PPM1L: variants seen among roughly 807,000 people sequenced by gnomAD.
The protein encoded by PPM1L is protein phosphatase, Mg2+/Mn2+ dependent 1L.
In PPM1L, 13 loss-of-function variants were observed where a neutral mutation model predicts 31.4. The ratio of observed to expected loss-of-function variants is 0.41; its 90% confidence interval spans 0.27 to 0.66. The LOEUF (loss-of-function observed/expected upper bound fraction) is 0.66, where lower values mean the gene tolerates loss of function less well. Ranked by LOEUF, PPM1L falls within the 30% of genes least tolerant of loss-of-function variation. The pLI, the probability that PPM1L is intolerant of heterozygous loss-of-function variation, is 0.29. For synonymous variants in PPM1L, 184 were observed against 175.4 expected (o/e 1.05, Z -0.39); for missense variants, 326 against 453.7 (o/e 0.72, Z 2.56).
chr3:160,912,399 T>A (rs1714007280), intron 1 of PPM1L, among the ~76,000 whole-genome samples: 1 of 152,214 alleles, frequency 6.6e-6, no homozygotes, highest in Non-Finnish European at 1.5e-5. Context: ...TGCCTGTTAA[T>A]CACAGAGGAA....
In PPM1L at chr3:161,054,723, GAAT is replaced by G. The variant is rs555184841; in HGVS notation, c.575-10672_575-10670del. Among the ~76,000 whole-genome samples the G allele has an allele frequency of 3.8e-4, 58 of 152,168 alleles. 1 individual carries two copies. In the South Asian group the frequency reaches 0.01, roughly 27 times the overall value. On this transcript the variant is annotated intron_variant, in intron 2 of 3. Transcript: ENST00000498165. ...CTCAGTTTTATCATCTGTAAGATGG[GAAT>G]AATAATAGTACATCATAGGCTATTA...
At chr3:160,825,872 A>T (rs1713344335) in intron 1 of PPM1L, among the ~76,000 whole-genome samples, 1 of 152,176 alleles carries the variant, frequency 6.6e-6, no homozygotes, top group Non-Finnish European at 1.5e-5. Flanking sequence ...ATAGGGCAGA[A>T]TGCAGCCAGC....
intron 2 of PPM1L, among the ~76,000 whole-genome samples, chr3:160,999,023 A>AT (rs1359548164): frequency 6.6e-6 from 1 of 152,198 alleles, no homozygotes; most frequent in Non-Finnish European, 1.5e-5. Context: ...TACTCAGAGG[A>AT]TAACATGGTT....
chr3:160,815,006 G>A (rs1712952212), intron 1 of PPM1L, among the ~76,000 whole-genome samples: 1 of 152,052 alleles, frequency 6.6e-6, no homozygotes, highest in African/African-American at 2.4e-5. Context: ...TCAGGGGGTA[G>A]GGTAGAAGGA....
In PPM1L at chr3:160,808,405, G is replaced by GCGCGCGCGCA. The variant is rs1560112693; in HGVS notation, c.399+51698_399+51699insCGCGCGCGCA. ...TTCCTGTGTGTGTGTGTGTGTGTGTGTGTGTGTGTGTGTGTGTGGTGGGTG... is the reference window on the plus strand; with the variant it reads ...TTCCTGTGTGTGTGTGTGTGTGTGTGCGCGCGCGCATGTGTGTGTGTGTGTGTGGTGGGTG... On this transcript the variant is annotated intron_variant, in intron 1 of 3. Transcript: ENST00000498165. 6.7e-3 allele frequency among the ~76,000 whole-genome samples: 999 copies of GCGCGCGCGCA among 148,654 alleles called. 78 individuals are homozygous for GCGCGCGCGCA. Among genetic ancestry groups the GCGCGCGCGCA allele is most frequent in the African/African-American group, 0.024 (934 of 39,108 alleles).
chr3:161,046,902 A>C (rs1283857982), intron 2 of PPM1L, among the ~76,000 whole-genome samples: 2 of 152,210 alleles, frequency 1.3e-5, no homozygotes, highest in African/African-American at 4.8e-5. Context: ...CTTCATGCTA[A>C]AAACTCTCAA....
chr3:160,786,127 T>TCTC (rs1711911208), intron 1 of PPM1L, among the ~76,000 whole-genome samples: 1 of 103,990 alleles, frequency 9.6e-6, no homozygotes, highest in East Asian at 2.8e-4. Flanking sequence ...AATCTCATTT[T>TCTC]TCTCTCTCTC....
intron 1 of PPM1L, among the ~76,000 whole-genome samples, chr3:160,886,624 T>G (rs1319873004): frequency 1.3e-5 from 2 of 152,096 alleles, no homozygotes; most frequent in East Asian, 3.9e-4. Flanking sequence ...AAGAGGGACC[T>G]GACCATTGAA....
intron 2 of PPM1L, among the ~76,000 whole-genome samples, chr3:161,062,125 T>C (rs1364410439): frequency 1.3e-5 from 2 of 150,278 alleles, no homozygotes; most frequent in East Asian, 3.9e-4. Flanking sequence ...GTCTGTTCTG[T>C]GTCTCTTTTA....
chr3:160,953,955 G>T (rs2108100536), intron 1 of PPM1L, among the ~76,000 whole-genome samples: 1 of 152,240 alleles, frequency 6.6e-6, no homozygotes, highest in African/African-American at 2.4e-5. Flanking sequence ...GTTCTATTCT[G>T]GGTTTTATGC....
At chr3:160,918,982 A>G (rs188942850) in intron 1 of PPM1L, among the ~76,000 whole-genome samples, 2 of 152,372 alleles carry the variant, frequency 1.3e-5, no homozygotes, top group East Asian at 3.9e-4. Flanking sequence ...TTTAAAGTGC[A>G]GTACCAGGAA....
chr3:160,956,139 A>C (rs1206389502), intron 1 of PPM1L, among the ~76,000 whole-genome samples: 1 of 152,152 alleles, frequency 6.6e-6, no homozygotes, highest in Non-Finnish European at 1.5e-5. Context: ...TAGGTTCTTA[A>C]TCATTCTGCT....
At chr3:161,004,714 A>G (rs1199840402) in intron 2 of PPM1L, among the ~76,000 whole-genome samples, 4 of 147,724 alleles carry the variant, frequency 2.7e-5, no homozygotes, top group Non-Finnish European at 6.0e-5. Flanking sequence ...TATTGCGTCT[A>G]TTTGATTCTT....
At chr3:160,847,720 A>G (rs7625500) in intron 1 of PPM1L, among the ~76,000 whole-genome samples, 3 of 152,144 alleles carry the variant, frequency 2.0e-5, no homozygotes, top group African/African-American at 7.2e-5. Context: ...CAACCCAACA[A>G]ATGCCCAAGC....
At chr3:160,922,227 G>A (rs1193210863) in intron 1 of PPM1L, among the ~76,000 whole-genome samples, 3 of 152,016 alleles carry the variant, frequency 2.0e-5, no homozygotes, top group Non-Finnish European at 2.9e-5. Flanking sequence ...GGAGAATGGC[G>A]TGAACCTGGG....
chr3:160,944,802 C>CATATATGTTATATGTT (rs1553748137), intron 1 of PPM1L, among the ~76,000 whole-genome samples: 1 of 14,336 alleles, frequency 7.0e-5, no homozygotes, highest in African/African-American at 1.5e-4. Context: ...TTATATATAA[C>CATATATGTTATATGTT]ATATATAACA....
chr3:160,764,460 CCTCTCT>C (rs58217473), intron 1 of PPM1L, among the ~76,000 whole-genome samples: 3 of 147,810 alleles, frequency 2.0e-5, no homozygotes, highest in Non-Finnish European at 3.0e-5. Flanking sequence ...TTTAATTCTC[CCTCTCT>C]CTCTCTCTCT....
intron 1 of PPM1L, among the ~76,000 whole-genome samples, chr3:160,960,643 T>C (rs1401006254): frequency 6.6e-6 from 1 of 151,834 alleles, no homozygotes; most frequent in Non-Finnish European, 1.5e-5. Flanking sequence ...GAACAATATA[T>C]GGTGGACTTC....
At chr3:161,032,937 C>T (rs1718622873) in intron 2 of PPM1L, among the ~76,000 whole-genome samples, 1 of 145,428 alleles carries the variant, frequency 6.9e-6, no homozygotes, top group Non-Finnish European at 1.5e-5. Context: ...TCTTGAAATC[C>T]TGACCTGAGG....
Sources: allele counts gnomAD v4.1 joint callset (sites outside exome capture counted in the v4.1 genomes callset), GRCh38; gene constraint gnomAD v4.1.1; transcripts MANE v1.5; gene names NCBI Gene and HGNC (gene_info 2026-07-23, HGNC 2026-07-21).